Variants in CDKAL1 observed in about 807,000 individuals in gnomAD.
The protein encoded by CDKAL1 is threonylcarbamoyladenosine tRNA methylthiotransferase.
In CDKAL1, 32 loss-of-function variants were observed where a neutral mutation model predicts 68.2. That is an observed-to-expected ratio of 0.47 (90% confidence interval 0.35 to 0.63). CDKAL1 has a LOEUF of 0.63. CDKAL1 is among the 30% of genes least tolerant of loss of function. The pLI, the probability that CDKAL1 is intolerant of heterozygous loss-of-function variation, is 0.00. For missense variants in CDKAL1, 606 were observed against 696.7 expected, an observed-to-expected ratio of 0.87 and a Z score of 1.47; for synonymous variants, 234 against 244.3, an observed-to-expected ratio of 0.96 and a Z score of 0.39.
intron 7 of CDKAL1, among the ~76,000 whole-genome samples, chr6:20,763,906 T>A (rs1774581520): frequency 6.6e-6 from 1 of 152,220 alleles, no homozygotes; most frequent in Admixed American, 6.5e-5. Flanking sequence ...TCAGGATATA[T>A]GAAATTATAA....
chr6:21,023,767 A>C (rs950673712), intron 11 of CDKAL1, among the ~76,000 whole-genome samples: 1 of 152,234 alleles, frequency 6.6e-6, no homozygotes, highest in Non-Finnish European at 1.5e-5. Context: ...GAATAGAAAC[A>C]ATAAACAGAA....
chr6:21,049,154 ACT>A (rs913792772), intron 11 of CDKAL1, among the ~76,000 whole-genome samples: 16 of 152,056 alleles, frequency 1.1e-4, no homozygotes, highest in Non-Finnish European at 7.4e-5. Flanking sequence ...TGCTGAATAT[ACT>A]CTGGCCCCTA....
intron 4 of CDKAL1, among the ~76,000 whole-genome samples, chr6:20,604,849 G>C (rs573092021): frequency 6.6e-6 from 1 of 152,310 alleles, no homozygotes. Flanking sequence ...GAGTAGCTTT[G>C]CTCATTGTTA....
chr6:21,067,854 A>C (rs1025965391), intron 12 of CDKAL1, among the ~76,000 whole-genome samples: 1 of 152,228 alleles, frequency 6.6e-6, no homozygotes. Context: ...GAAGCTCCAT[A>C]TTCTTACCAG....
chr6:20,853,885 A>C (rs1280076331), intron 9 of CDKAL1, among the ~76,000 whole-genome samples: 1 of 152,186 alleles, frequency 6.6e-6, no homozygotes, highest in Non-Finnish European at 1.5e-5. Flanking sequence ...AATAATGGCC[A>C]TATGGGGAAG....
chr6:21,030,270 A>G (rs1264503268), intron 11 of CDKAL1, among the ~76,000 whole-genome samples: 1 of 152,192 alleles, frequency 6.6e-6, no homozygotes, highest in African/African-American at 2.4e-5. Flanking sequence ...TGGAAGTTGA[A>G]CAATAAGTTG....
At chr6:20,617,080 A>G (rs1410310530) in intron 4 of CDKAL1, among the ~76,000 whole-genome samples, 2 of 151,518 alleles carry the variant, frequency 1.3e-5, no homozygotes, top group East Asian at 3.9e-4. Context: ...AATTAAAGAG[A>G]AAAACCACGG....
chr6:20,620,618 G>A (rs544066524), intron 4 of CDKAL1, among the ~76,000 whole-genome samples: 3 of 152,014 alleles, frequency 2.0e-5, no homozygotes, highest in Non-Finnish European at 2.9e-5. Context: ...GATAGTATTT[G>A]TTGAATGCTT....
At chr6:20,958,691 C>T (rs1433353977) in intron 10 of CDKAL1, among the ~76,000 whole-genome samples, 1 of 152,196 alleles carries the variant, frequency 6.6e-6, no homozygotes, top group East Asian at 1.9e-4. Context: ...CTTGAAATAA[C>T]TACCCTGATG....
intron 8 of CDKAL1, among the ~76,000 whole-genome samples, chr6:20,841,373 T>G (rs1336255479): frequency 1.3e-5 from 2 of 152,228 alleles, no homozygotes; most frequent in Non-Finnish European, 2.9e-5. Context: ...GAGTGACTTT[T>G]TAAGAGTATA....
chr6:21,218,484 C>T (rs73734137), intron 15 of CDKAL1, among the ~76,000 whole-genome samples: 6,182 of 152,312 alleles, frequency 0.041, 403 homozygotes, highest in African/African-American at 0.14. Flanking sequence ...ACTGCTCCTT[C>T]GGCTGCAGTC....
chr6:21,181,890 A>G (rs1777803729), intron 13 of CDKAL1, among the ~76,000 whole-genome samples: 2 of 152,210 alleles, frequency 1.3e-5, no homozygotes, highest in Non-Finnish European at 2.9e-5. Flanking sequence ...ACTACCTGTT[A>G]TTAATGGTCA....
At chr6:20,777,686 T>A (rs1180511763) in intron 7 of CDKAL1, among the ~76,000 whole-genome samples, 4 of 152,180 alleles carry the variant, frequency 2.6e-5, no homozygotes, top group South Asian at 2.1e-4. Flanking sequence ...TTTTTAGCTT[T>A]ACATGAGTCT....
intron 9 of CDKAL1, among the ~76,000 whole-genome samples, chr6:20,851,394 A>C (rs185145436): frequency 6.6e-6 from 1 of 152,324 alleles, no homozygotes; most frequent in East Asian, 1.9e-4. Flanking sequence ...CTAATCAATC[A>C]GTTTCAGTTG....
Position 20,559,125 on chromosome 6 carries a change from A to C in CDKAL1, c.286+10420A>C, listed in dbSNP as rs185464659. ...GTTATTTTATGAAGCACAAAACTAAATATTTTTGAACCAAGAGACTACTGT... is the reference window on the plus strand; with the variant it reads ...GTTATTTTATGAAGCACAAAACTAACTATTTTTGAACCAAGAGACTACTGT... On this transcript the variant is annotated intron_variant, in intron 4 of 15. Transcript: ENST00000274695. 2.6e-5 allele frequency: 4 copies of C among 152,468 alleles called. 1 individual carries two copies. The highest frequency in any genetic ancestry group is 2.6e-4 in the Admixed American group (4 of 15,302). The allele number at this position is 152,468 out of a possible 1,614,324, so 9.4% of individuals were successfully genotyped here.
intron 9 of CDKAL1, among the ~76,000 whole-genome samples, chr6:20,932,516 A>C (rs1330459798): frequency 6.6e-6 from 1 of 152,152 alleles, no homozygotes; most frequent in Non-Finnish European, 1.5e-5. Context: ...GGTAAAAAAG[A>C]AACTACAAAG....
At chr6:20,792,800 G>T (rs948141526) in intron 8 of CDKAL1, among the ~76,000 whole-genome samples, 1 of 152,172 alleles carries the variant, frequency 6.6e-6, no homozygotes, top group Non-Finnish European at 1.5e-5. Context: ...TGCAATAAAA[G>T]AAACAAGACC....
chr6:20,596,334 T>C (rs1765821521), intron 4 of CDKAL1, among the ~76,000 whole-genome samples: 1 of 152,228 alleles, frequency 6.6e-6, no homozygotes, highest in South Asian at 2.1e-4. Flanking sequence ...ACTGGGGCTG[T>C]TGACTTTCTT....
chr6:20,605,494 C>A (rs972811044), intron 4 of CDKAL1, among the ~76,000 whole-genome samples: 1 of 152,074 alleles, frequency 6.6e-6, no homozygotes, highest in South Asian at 2.1e-4. Flanking sequence ...TTATGGGATT[C>A]CTTTTTCTTA....
Sources: allele counts gnomAD v4.1 joint callset (sites outside exome capture counted in the v4.1 genomes callset), GRCh38; gene constraint gnomAD v4.1.1; transcripts MANE v1.5; gene names NCBI Gene and HGNC (gene_info 2026-07-23, HGNC 2026-07-21).